Variants in GRID2 observed in about 807,000 individuals in gnomAD.
GRID2 encodes the protein glutamate ionotropic receptor delta type subunit 2.
A neutral mutation model predicts 114.8 loss-of-function variants in GRID2; 33 were observed. The observed-to-expected ratio is 0.29, with a 90% confidence interval of 0.22 to 0.38. The LOEUF (loss-of-function observed/expected upper bound fraction) is 0.38. Ranked by LOEUF, GRID2 falls within the 10% of genes least tolerant of loss-of-function variation. The probability of loss-of-function intolerance (pLI) is 1.00; values close to 1 mark genes in which losing one functional copy is unlikely to be tolerated. For synonymous variants in GRID2, 505 were observed against 449.9 expected (o/e 1.12, Z -1.55); for missense variants, 1,184 against 1,257.7 (o/e 0.94, Z 0.89).
chr4:93,438,443 C>CT (rs1721312023), intron 10 of GRID2, among the ~76,000 whole-genome samples: 1 of 152,026 alleles, frequency 6.6e-6, no homozygotes, highest in African/African-American at 2.4e-5. Context: ...ATAGTTTGCA[C>CT]TTTATCATTT....
intron 2 of GRID2, among the ~76,000 whole-genome samples, chr4:92,608,018 G>A (rs187352383): frequency 4.8e-4 from 73 of 151,926 alleles, no homozygotes; most frequent in Non-Finnish European, 1.3e-4. Flanking sequence ...AAAGGGAAAA[G>A]TAGTAAGCTC....
At chr4:92,729,889 C>G (rs547363144) in intron 2 of GRID2, among the ~76,000 whole-genome samples, 1 of 151,862 alleles carries the variant, frequency 6.6e-6, no homozygotes, top group African/African-American at 2.4e-5. Flanking sequence ...ACTAAAACCT[C>G]AAAATTGGTA....
chr4:92,374,374 T>C (rs2110224445), intron 1 of GRID2, among the ~76,000 whole-genome samples: 1 of 152,238 alleles, frequency 6.6e-6, no homozygotes. Context: ...TTAAATCTAC[T>C]TGTAAGCTGG....
intron 14 of GRID2, among the ~76,000 whole-genome samples, chr4:93,732,150 A>G (rs1425304741): frequency 1.3e-5 from 2 of 152,198 alleles, no homozygotes; most frequent in Non-Finnish European, 2.9e-5. Context: ...GGAGAAAGCT[A>G]ACATGCATAT....
chr4:92,536,052 A>G (rs1725608100), intron 1 of GRID2, among the ~76,000 whole-genome samples: 1 of 152,198 alleles, frequency 6.6e-6, no homozygotes, highest in Non-Finnish European at 1.5e-5. Context: ...ATTAGGATAC[A>G]TTGCAAAGAG....
chr4:92,470,888 A>T (rs986803363), intron 1 of GRID2, among the ~76,000 whole-genome samples: 12 of 152,142 alleles, frequency 7.9e-5, no homozygotes, highest in African/African-American at 2.9e-4. Flanking sequence ...CTTTCAAAGT[A>T]GGCTTAACTG....
At chr4:92,645,382 G>GT (rs1381329757) in intron 2 of GRID2, among the ~76,000 whole-genome samples, 1 of 151,664 alleles carries the variant, frequency 6.6e-6, no homozygotes, top group African/African-American at 2.4e-5. Context: ...ATTTGTAGTT[G>GT]TAGTCAAGAA....
intron 2 of GRID2, among the ~76,000 whole-genome samples, chr4:92,769,072 C>T (rs989118525): frequency 4.6e-5 from 7 of 152,152 alleles, no homozygotes; most frequent in African/African-American, 1.4e-4. Flanking sequence ...TGCCTATGAG[C>T]CTGTGAAATT....
At chr4:93,150,838 A>C (rs1225623154) in intron 4 of GRID2, among the ~76,000 whole-genome samples, 5 of 152,008 alleles carry the variant, frequency 3.3e-5, no homozygotes. Flanking sequence ...ACAGAAATAC[A>C]GTCAGAGGTC....
chr4:92,726,283 T>A (rs1299962566), intron 2 of GRID2, among the ~76,000 whole-genome samples: 2 of 152,138 alleles, frequency 1.3e-5, no homozygotes, highest in East Asian at 3.9e-4. Flanking sequence ...GTGCAGGCAT[T>A]AAGTTTATTA....
At chr4:93,581,261 G>T (rs1256973877) in intron 13 of GRID2, among the ~76,000 whole-genome samples, 2 of 152,002 alleles carry the variant, frequency 1.3e-5, no homozygotes, top group African/African-American at 2.4e-5. Flanking sequence ...GGTGAAAGGA[G>T]AATATTTTCT....
chr4:92,385,896 GTGTGTATATATA>G (rs1560600135), intron 1 of GRID2, among the ~76,000 whole-genome samples: 1 of 121,030 alleles, frequency 8.3e-6, no homozygotes, highest in Non-Finnish European at 1.7e-5. Context: ...GTGTGTGTGT[GTGTGTATATATA>G]TATATATATA....
intron 2 of GRID2, among the ~76,000 whole-genome samples, chr4:92,847,312 G>A (rs1331231287): frequency 2.0e-5 from 3 of 151,972 alleles, no homozygotes; most frequent in Non-Finnish European, 4.4e-5. Context: ...TCTGCTCCTG[G>A]CATTTTCCCA....
At chr4:93,120,009 T>A (rs1340329083) in intron 4 of GRID2, among the ~76,000 whole-genome samples, 1 of 152,200 alleles carries the variant, frequency 6.6e-6, no homozygotes, top group East Asian at 1.9e-4. Flanking sequence ...TCATCATCAC[T>A]GGTCGTAAGA....
chr4:93,247,348 T>A (rs1455294277), intron 8 of GRID2, among the ~76,000 whole-genome samples: 4 of 152,172 alleles, frequency 2.6e-5, no homozygotes, highest in Non-Finnish European at 5.9e-5. Flanking sequence ...TTAATTGGCG[T>A]ACTGGGTAAA....
At chr4:93,625,943 A>C (rs1742687018) in intron 13 of GRID2, among the ~76,000 whole-genome samples, 1 of 142,262 alleles carries the variant, frequency 7.0e-6, no homozygotes. Flanking sequence ...CAAAACAAAA[A>C]TAAAGCGCAA....
intron 2 of GRID2, among the ~76,000 whole-genome samples, chr4:92,637,679 A>G (rs1312802587): frequency 1.3e-5 from 2 of 151,994 alleles, no homozygotes; most frequent in Non-Finnish European, 1.5e-5. Flanking sequence ...CATCTTTAAA[A>G]CTTTAATCAT....
chr4:93,110,704 T>C (rs1473668378), intron 3 of GRID2, 44 bp from the exon 4 acceptor site: 2 of 1,256,812 alleles, frequency 1.6e-6, no homozygotes, highest in Admixed American at 1.7e-5. Flanking sequence ...CTTCCTTCTG[T>C]ACAATAATTC....
At chr4:93,689,057 T>C (rs74729028) in intron 14 of GRID2, among the ~76,000 whole-genome samples, 6,259 of 152,000 alleles carry the variant, frequency 0.041, 199 homozygotes, top group African/African-American at 0.081. Context: ...TGTCCTTACA[T>C]GAAGATGAAA....
Sources: gnomAD v4.1 joint callset for allele counts (sites outside exome capture counted in the v4.1 genomes callset) on GRCh38, gnomAD v4.1.1 for gene constraint, MANE v1.5 for transcripts, NCBI Gene and HGNC (gene_info 2026-07-23, HGNC 2026-07-21) for gene names.